CTNNA3: variants seen among roughly 807,000 people sequenced by gnomAD.
CTNNA3 encodes catenin alpha-3.
Under a neutral mutation model 95.7 loss-of-function variants are expected in CTNNA3, and 76 were observed. The observed-to-expected ratio is 0.79, with a 90% CI of 0.66 to 0.96. The LOEUF (loss-of-function observed/expected upper bound fraction) is 0.96. Ranked by LOEUF, CTNNA3 falls within the 40% of genes least tolerant of loss-of-function variation. The pLI is 0.00. For synonymous variants in CTNNA3, 431 were observed against 374.4 expected (o/e 1.15, Z -1.74); for missense variants, 1,191 against 1,089.8 (o/e 1.09, Z -1.31).
chr10:67,608,271 C>T (rs1180924082), intron 2 of CTNNA3, among the ~76,000 whole-genome samples: 4 of 152,198 alleles, frequency 2.6e-5, no homozygotes. Context: ...TCTCTATTCT[C>T]AGCCTAAATA....
intron 12 of CTNNA3, among the ~76,000 whole-genome samples, chr10:66,374,167 G>C (rs1188849619): frequency 6.6e-6 from 1 of 151,850 alleles, no homozygotes; most frequent in African/African-American, 2.4e-5. Context: ...TAAAAATAAA[G>C]AAAGTGTGGT....
At chr10:66,278,357 C>T (rs1321464865) in intron 13 of CTNNA3, among the ~76,000 whole-genome samples, 1 of 151,508 alleles carries the variant, frequency 6.6e-6, no homozygotes, top group Non-Finnish European at 1.5e-5. Flanking sequence ...TCTTGATAGT[C>T]TCTTTTGAGA....
chr10:66,465,199 AT>A, intron 11 of CTNNA3, among the ~76,000 whole-genome samples: 1 of 152,138 alleles, frequency 6.6e-6, no homozygotes, highest in Admixed American at 6.6e-5. Context: ...GTGACAACTC[AT>A]TTTAAGATTT....
intron 7 of CTNNA3, among the ~76,000 whole-genome samples, chr10:67,028,539 G>A (rs17194435): frequency 0.049 from 7,458 of 151,634 alleles, 264 homozygotes; most frequent in Middle Eastern, 0.082. Context: ...ATGAAATCGA[G>A]CAGACATTTT....
At chr10:66,458,275 A>C (rs1257172058) in intron 11 of CTNNA3, among the ~76,000 whole-genome samples, 3 of 152,200 alleles carry the variant, frequency 2.0e-5, no homozygotes, top group Non-Finnish European at 4.4e-5. Context: ...CATACTACTC[A>C]GCTCTAAAAA....
At chr10:67,705,951 G>A (rs769262112) in intron 1 of CTNNA3, among the ~76,000 whole-genome samples, 35 of 152,096 alleles carry the variant, frequency 2.3e-4, no homozygotes, top group Middle Eastern at 3.4e-3. Context: ...GCTGGCTTAG[G>A]GGAAGAAGTG....
intron 11 of CTNNA3, among the ~76,000 whole-genome samples, chr10:66,393,682 C>T (rs1168072842): frequency 2.0e-5 from 3 of 152,046 alleles, no homozygotes; most frequent in African/African-American, 7.2e-5. Context: ...GAGTTTTTAA[C>T]AAATACTGTT....
rs1036046613 is a variant in CTNNA3, at chr10:67,374,438, GAATA to G, written c.579+147400_579+147403del. 1.1e-4 allele frequency among the ~76,000 whole-genome samples: 16 copies of G among 151,876 alleles called. No individual in the cohort carries two copies. The South Asian group carries it at 2.9e-3, about 28-fold the overall frequency. ...TAAAAAAATTGGATAACGAATGAAC[GAATA>G]AATAAATAAATAAATATTAACCAAC... On this transcript the variant is annotated intron_variant, in intron 5 of 17. Transcript: ENST00000433211.
chr10:67,698,462 T>G (rs1841006855), upstream of CTNNA3, among the ~76,000 whole-genome samples: 1 of 152,100 alleles, frequency 6.6e-6, no homozygotes, highest in Admixed American at 6.5e-5. Flanking sequence ...AGAAGATAAT[T>G]CTATCCCTGT....
chr10:67,705,544 C>T lies in CTNNA3; in HGVS notation c.-2+57890G>A, dbSNP rs1002933173. On this transcript the variant is annotated intron_variant, in intron 1 of 17. Transcript: ENST00000684154. ...ATCGCAAGAACAAAAAAACAAACACCGCATATTCTCACTCATAGGTGGGAA... is the reference window on the plus strand; with the variant it reads ...ATCGCAAGAACAAAAAAACAAACACTGCATATTCTCACTCATAGGTGGGAA... Among the ~76,000 whole-genome samples the T allele has an allele frequency of 1.1e-4, 16 of 146,820 alleles. No homozygotes were observed. In the East Asian group the frequency reaches 1.2e-3, roughly 11 times the overall value.
chr10:67,682,931 C>T (rs1423610546), intron 1 of CTNNA3, among the ~76,000 whole-genome samples: 3 of 152,208 alleles, frequency 2.0e-5, no homozygotes, highest in Admixed American at 6.5e-5. Context: ...TCTATTAGAA[C>T]TGCTATGCAT....
chr10:65,921,206 A>G (rs1319723841), intron 17 of CTNNA3, among the ~76,000 whole-genome samples: 1 of 152,206 alleles, frequency 6.6e-6, no homozygotes, highest in African/African-American at 2.4e-5. Flanking sequence ...GCCATTTACT[A>G]CAAAAAGGTG....
chr10:66,275,676 T>G (rs927687454), intron 13 of CTNNA3, among the ~76,000 whole-genome samples: 3 of 152,208 alleles, frequency 2.0e-5, no homozygotes, highest in Non-Finnish European at 4.4e-5. Context: ...CAGAGAATTG[T>G]AATTGGATAA....
At position 66,173,561 on chromosome 10, in the gene CTNNA3, T is replaced by C. The variant is rs981540421; in HGVS notation, c.1885-70312A>G. 2.0e-5 allele frequency among the ~76,000 whole-genome samples: 3 copies of C among 151,972 alleles called. No individual in the cohort carries two copies. The East Asian group carries it at 5.8e-4, about 29-fold the overall frequency. On this transcript the variant is annotated intron_variant, in intron 13 of 17. Transcript: ENST00000433211. ...AGCCAGGCATGGTGGTATGCATTTC[T>C]ATTTTCAGCCACTCAGAAAGCTGAG...
At chr10:66,755,686 CAA>C (rs1274649115) in intron 9 of CTNNA3, among the ~76,000 whole-genome samples, 1 of 152,046 alleles carries the variant, frequency 6.6e-6, no homozygotes, top group Admixed American at 6.6e-5. Flanking sequence ...ACAAGAGAAA[CAA>C]ATATTTATTT....
chr10:66,730,566 T>C (rs145566217), intron 9 of CTNNA3, among the ~76,000 whole-genome samples: 1 of 152,194 alleles, frequency 6.6e-6, no homozygotes, highest in Non-Finnish European at 1.5e-5. Context: ...TGTTTATCTA[T>C]GTAACAAACC....
intron 10 of CTNNA3, among the ~76,000 whole-genome samples, chr10:66,561,443 G>A (rs528941368): frequency 2.6e-4 from 39 of 152,044 alleles, no homozygotes; most frequent in Non-Finnish European, 5.1e-4. Flanking sequence ...CATATCACAG[G>A]ACTATTTCTC....
intron 10 of CTNNA3, among the ~76,000 whole-genome samples, chr10:66,594,580 G>A (rs943921508): frequency 6.6e-6 from 1 of 152,072 alleles, no homozygotes; most frequent in African/African-American, 2.4e-5. Context: ...TGTTTCTTCT[G>A]CCTGAAAAGC....
chr10:67,740,236 A>G (rs1009698066), intron 1 of CTNNA3, among the ~76,000 whole-genome samples: 8 of 152,192 alleles, frequency 5.3e-5, no homozygotes, highest in African/African-American at 9.6e-5. Context: ...ACCATTCAGG[A>G]CATAGGCATG....
Sources: gnomAD v4.1 joint callset for allele counts (sites outside exome capture counted in the v4.1 genomes callset) on GRCh38, gnomAD v4.1.1 for gene constraint, MANE v1.5 for transcripts, NCBI Gene and HGNC (gene_info 2026-07-23, HGNC 2026-07-21) for gene names.